The following SCN8A variants were observed in gnomAD, a reference collection of about 807,000 sequenced individuals.
SCN8A encodes sodium voltage-gated channel alpha subunit 8, also known as sodium channel protein type 8 subunit alpha.
SCN8A carries 30 observed loss-of-function variants against 184.1 expected under a neutral mutation model. That is an observed-to-expected ratio of 0.16 (90% CI 0.12 to 0.22). The LOEUF is 0.22. SCN8A is among the 10% of genes least tolerant of loss of function. The pLI is 1.00. For synonymous variants in SCN8A, 852 were observed against 907.0 expected (o/e 0.94, Z 1.09); for missense variants, 1,057 against 2,498.9 (o/e 0.42, Z 12.30).
At chr12:51,642,977 C>T (rs183302524) in intron 1 of SCN8A, among the ~76,000 whole-genome samples, 4 of 152,186 alleles carry the variant, frequency 2.6e-5, no homozygotes, top group Admixed American at 2.0e-4. Context: ...TGTATCCAGA[C>T]CTCTTAGCCA....
intron 1 of SCN8A, among the ~76,000 whole-genome samples, chr12:51,632,773 A>G (rs973194566): frequency 6.6e-6 from 1 of 152,176 alleles, no homozygotes; most frequent in African/African-American, 2.4e-5. Flanking sequence ...AGCCTGAGGC[A>G]TCATGTCAAC....
chr12:51,600,768 A>G (rs1565853822), intron 1 of SCN8A, among the ~76,000 whole-genome samples: 1 of 152,226 alleles, frequency 6.6e-6, no homozygotes, highest in African/African-American at 2.4e-5. Context: ...ATAATAGAAT[A>G]CACCAAGAGA....
chr12:51,671,360 C>G (rs1052975849), intron 2 of SCN8A, among the ~76,000 whole-genome samples: 4 of 152,156 alleles, frequency 2.6e-5, no homozygotes, highest in African/African-American at 9.7e-5. Context: ...GTCCTAAGTT[C>G]TCATGCAGGT....
chr12:51,704,422 C>T lies in SCN8A; in HGVS notation c.1135-995C>T, dbSNP rs923864348. 5.9e-5 allele frequency among the ~76,000 whole-genome samples: 9 copies of T among 151,914 alleles called. No individual in the cohort carries two copies. The East Asian group carries it at 1.2e-3, about 20-fold the overall frequency. The stretch of plus-strand genomic sequence containing the variant: ...CAGTGGCTCATGCCTGTAATCCCAG[C>T]GCTTTGGGAGGCCGAGGCAGGTGGA... On this transcript the variant is annotated intron_variant, in intron 9 of 26. Coordinates refer to ENST00000627620, the MANE Select transcript of SCN8A (RefSeq NM_001330260.2).
chr12:51,718,993 A>T (rs1942008870), intron 11 of SCN8A, among the ~76,000 whole-genome samples: 1 of 148,030 alleles, frequency 6.8e-6, no homozygotes, highest in Admixed American at 6.8e-5. Context: ...CAGCCGATAG[A>T]TTATTACAAT....
chr12:51,758,104 C>T (rs1292860021), intron 14 of SCN8A, among the ~76,000 whole-genome samples: 1 of 152,174 alleles, frequency 6.6e-6, no homozygotes, highest in African/African-American at 2.4e-5. Flanking sequence ...AGGAACACGG[C>T]TGTGAATAGC....
At chr12:51,700,535 A>G (rs1171725598) in intron 7 of SCN8A, among the ~76,000 whole-genome samples, 1 of 152,238 alleles carries the variant, frequency 6.6e-6, no homozygotes, top group Non-Finnish European at 1.5e-5. Context: ...ACAGTTGAGT[A>G]GTTTTAATCA....
At chr12:51,601,516 C>T (rs1939463427) in intron 1 of SCN8A, among the ~76,000 whole-genome samples, 1 of 150,786 alleles carries the variant, frequency 6.6e-6, no homozygotes, top group Non-Finnish European at 1.5e-5. Flanking sequence ...ATTTTGGGAT[C>T]TTAAGGTAGA....
At chr12:51,675,401 C>T (rs1272938918) in intron 2 of SCN8A, among the ~76,000 whole-genome samples, 2 of 152,172 alleles carry the variant, frequency 1.3e-5, no homozygotes, top group Admixed American at 6.5e-5. Context: ...AAGCCACAGG[C>T]AGATGTGGTG....
At chr12:51,649,463 C>T (rs1423602155) in intron 1 of SCN8A, among the ~76,000 whole-genome samples, 1 of 152,262 alleles carries the variant, frequency 6.6e-6, no homozygotes. Context: ...CCACAGCAAA[C>T]TTCTGCCTGG....
rs182235384 is a variant in SCN8A, at chr12:51,632,139, T to C, written c.-54-30625T>C. On this transcript the variant is annotated intron_variant, in intron 1 of 26. Coordinates refer to ENST00000627620, the MANE Select transcript of SCN8A (RefSeq NM_001330260.2). ...CACCACTTGTTCAAGGAACTTACCA[T>C]AGCCTCCACTGATAAGGAAGAATTT... is the stretch of plus-strand genomic sequence containing the variant. Among the ~76,000 whole-genome samples, 150 of 152,348 alleles carry C rather than the reference T, an allele frequency of 9.8e-4. 1 individual carries two copies. Among genetic ancestry groups the C allele is most frequent in the Admixed American group, 9.7e-3 (149 of 15,300 alleles).
intron 16 of SCN8A, 199 bp downstream of exon 16, chr12:51,766,226 C>A: frequency 1.7e-6 from 1 of 598,518 alleles, no homozygotes; most frequent in Non-Finnish European, 3.0e-6. Flanking sequence ...TTAGTCATGA[C>A]CCCCACAACT....
chr12:51,706,982 T>G (rs1187376987), intron 11 of SCN8A, among the ~76,000 whole-genome samples: 2 of 152,190 alleles, frequency 1.3e-5, no homozygotes, highest in African/African-American at 2.4e-5. Flanking sequence ...CTTTCTGTGC[T>G]TGGCTTATTT....
chr12:51,676,495 A>G (rs528519692), intron 2 of SCN8A, among the ~76,000 whole-genome samples: 8 of 152,326 alleles, frequency 5.3e-5, no homozygotes, highest in Admixed American at 4.6e-4. Context: ...GTTGCTTGCT[A>G]TATTGGCTGT....
intron 21 of SCN8A, among the ~76,000 whole-genome samples, chr12:51,781,279 G>C (rs1937913185): frequency 6.6e-6 from 1 of 152,124 alleles, no homozygotes; most frequent in African/African-American, 2.4e-5. Flanking sequence ...AATTTGGCAT[G>C]GCCCTGGGAG....
At chr12:51,709,804 C>G (rs1048345816) in intron 11 of SCN8A, among the ~76,000 whole-genome samples, 1 of 151,678 alleles carries the variant, frequency 6.6e-6, no homozygotes, top group Admixed American at 6.6e-5. Flanking sequence ...TGGAAGATAC[C>G]GAAATAGATG....
intron 20 of SCN8A, among the ~76,000 whole-genome samples, chr12:51,775,000 C>T (rs1937642018): frequency 6.6e-6 from 1 of 152,190 alleles, no homozygotes; most frequent in Non-Finnish European, 1.5e-5. Context: ...TGGCCATGAC[C>T]TCCTGTGTTT....
intron 1 of SCN8A, among the ~76,000 whole-genome samples, chr12:51,655,574 A>G (rs879568722): frequency 1.1e-4 from 16 of 151,698 alleles, no homozygotes; most frequent in Admixed American, 6.6e-5. Context: ...GTATCTTCCT[A>G]TGTTGCCCAG....
chr12:51,594,841 A>G (rs181258456), intron 1 of SCN8A, among the ~76,000 whole-genome samples: 34 of 152,194 alleles, frequency 2.2e-4, no homozygotes, highest in African/African-American at 7.9e-4. Context: ...GTTATCCAGA[A>G]TGATAGTATT....
Sources: allele counts gnomAD v4.1 joint callset (sites outside exome capture counted in the v4.1 genomes callset), GRCh38; gene constraint gnomAD v4.1.1; transcripts MANE v1.5; gene names NCBI Gene and HGNC (gene_info 2026-07-23, HGNC 2026-07-21).